Variants in SLC25A33 observed in about 807,000 individuals in gnomAD.
The protein encoded by SLC25A33 is bone marrow stromal cell mitochondrial carrier protein.
In SLC25A33, 15 loss-of-function variants were observed where a neutral mutation model predicts 35.5. The observed-to-expected ratio is 0.42, with a 90% CI of 0.28 to 0.65. The LOEUF (loss-of-function observed/expected upper bound fraction) is 0.65, where lower values mean the gene tolerates loss of function less well. Among genes scored for constraint, SLC25A33 ranks in the 30% least tolerant of loss-of-function variants. The pLI is 0.20. For synonymous variants in SLC25A33, 136 were observed against 148.7 expected (o/e 0.91, Z 0.62); for missense variants, 257 against 398.5 (o/e 0.64, Z 3.02).
intron 1 of SLC25A33, among the ~76,000 whole-genome samples, chr1:9,542,824 A>G (rs1643105674): frequency 6.6e-6 from 1 of 152,166 alleles, no homozygotes; most frequent in Non-Finnish European, 1.5e-5. Context: ...TTTTATTTTT[A>G]TTTTTTGAGA....
chr1:9,579,432 G>A (rs1474911207), intron 5 of SLC25A33, among the ~76,000 whole-genome samples: 3 of 151,924 alleles, frequency 2.0e-5, no homozygotes, highest in Non-Finnish European at 2.9e-5. Flanking sequence ...TTCTATTAAT[G>A]TGCTGGAGTG....
chr1:9,569,258 A>C (rs372807668), intron 3 of SLC25A33, among the ~76,000 whole-genome samples: 8 of 152,204 alleles, frequency 5.3e-5, no homozygotes, highest in Middle Eastern at 3.4e-3. Context: ...AAAAAAAAAA[A>C]ACACAGATCA....
chr1:9,545,237 C>T (rs747792355), intron 1 of SLC25A33, among the ~76,000 whole-genome samples: 3 of 151,764 alleles, frequency 2.0e-5, no homozygotes, highest in African/African-American at 2.4e-5. Flanking sequence ...GTTTTTGAGA[C>T]GGAGTTTTGC....
At chr1:9,564,739 A>AAAAAAATATATAT (rs60174872) in intron 2 of SLC25A33, among the ~76,000 whole-genome samples, 14 of 96,538 alleles carry the variant, frequency 1.5e-4, no homozygotes, top group African/African-American at 6.2e-4. Context: ...AAAAAAAAAA[A>AAAAAAATATATAT]ATATATATAT....
At chr1:9,575,245 C>T (rs571524373) in intron 5 of SLC25A33, among the ~76,000 whole-genome samples, 57 of 151,376 alleles carry the variant, frequency 3.8e-4, no homozygotes, top group African/African-American at 1.4e-3. Context: ...ATAAGAACCC[C>T]TGTATTACTG....
At position 9,580,867 on chromosome 1, in the gene SLC25A33, ATAATAATAAT is replaced by A. The variant is rs1429088741; in HGVS notation, c.763+634_763+643del. 4.4e-3 allele frequency among the ~76,000 whole-genome samples: 558 copies of A among 126,266 alleles called. 4 individuals are homozygous for A. The highest frequency in any genetic ancestry group is 0.02 in the African/African-American group (539 of 27,584). The allele number at this position is 126,266 out of a possible 152,430, so 82.8% of individuals were successfully genotyped here. On this transcript the variant is annotated intron_variant, in intron 6 of 6. Coordinates refer to ENST00000302692, the MANE Select transcript of SLC25A33 (RefSeq NM_032315.3). Reference sequence around the variant, plus strand: ...GAGACTCTGTCTCAAAAAAAAAAAAATAATAATAATAATAATAATAATAATAATCATTCAG... The same window carrying A: ...GAGACTCTGTCTCAAAAAAAAAAAAAAATAATAATAATAATAATCATTCAG...
chr1:9,575,209 G>C lies in SLC25A33; in HGVS notation c.482+1797G>C, dbSNP rs561275496. ...GCCTGGGTGACAGAGCGAGACTCTG[G>C]CTCAAAAAAAAAAAAAAAAAAAAAA... On this transcript the variant is annotated intron_variant, in intron 5 of 6. Coordinates refer to ENST00000302692, the MANE Select transcript of SLC25A33 (RefSeq NM_032315.3). Among the ~76,000 whole-genome samples, 3 of 118,492 alleles carry C rather than the reference G, an allele frequency of 2.5e-5. No homozygotes were observed. In the South Asian group the frequency reaches 8.2e-4, roughly 32 times the overall value. 77.7% of individuals were successfully genotyped at this position (118,492 alleles called of 152,430 possible).
chr1:9,578,310 A>G lies in SLC25A33; in HGVS notation c.483-1644A>G, dbSNP rs1260627140. On this transcript the variant is annotated intron_variant, in intron 5 of 6. Transcript: ENST00000302692. This position sits in a 1 kb window ranked among gnomAD's most constrained non-coding sequence, Gnocchi z 4.3. ...AGCGGGAACAGTCTATGCGGAGATA[A>G]TAAAGAAGGGAGAGAGGCCAGCTGA... Among the ~76,000 whole-genome samples, 4 of 152,142 alleles carry G rather than the reference A, an allele frequency of 2.6e-5. No homozygotes were observed. Among genetic ancestry groups the G allele is most frequent in the Non-Finnish European group, 4.4e-5 (3 of 68,028 alleles).
chr1:9,580,321 T>C (rs968900000), intron 6 of SLC25A33, 87 bp downstream of exon 6: 52 of 1,512,144 alleles, frequency 3.4e-5, no homozygotes, highest in Non-Finnish European at 4.6e-5. Context: ...GAGGCGCACA[T>C]TGAGGCGCAG....
chr1:9,559,566 T>C (rs1271055287), intron 2 of SLC25A33, among the ~76,000 whole-genome samples: 1 of 152,000 alleles, frequency 6.6e-6, no homozygotes, highest in Non-Finnish European at 1.5e-5. Flanking sequence ...GGGAATATCC[T>C]ATTACATAAT....
At position 9,582,376 on chromosome 1, in the gene SLC25A33, G is replaced by A; in HGVS notation, c.841G>A (p.Glu281Lys). ...FVQTARLVFR[E>K]EGYLAFYRGL... is the part of the protein sequence containing the mutation. ...CCAGACGGCGCGCCTGGTGTTCCGG[G>A]AAGAAGGCTACCTTGCCTTTTATAG... Residue 281 changes from glutamate (E) to lysine (K), a missense_variant, in exon 7 of 7, where the codon GAA (glutamate) becomes AAA (lysine). Transcript: ENST00000302692. This position sits in a 1 kb window ranked among gnomAD's most constrained non-coding sequence, Gnocchi z 4.0. The A allele has an allele frequency of 6.2e-7, 1 of 1,613,994 alleles. No individual in the cohort carries two copies. Among genetic ancestry groups the A allele is most frequent in the Non-Finnish European group, 8.5e-7 (1 of 1,179,882 alleles).
intron 2 of SLC25A33, among the ~76,000 whole-genome samples, chr1:9,555,110 C>CT (rs1172100444): frequency 0.031 from 2,859 of 91,158 alleles, 27 homozygotes; most frequent in East Asian, 0.047. Flanking sequence ...GCATTTAGCA[C>CT]TTTTTTTTTT....
intron 1 of SLC25A33, among the ~76,000 whole-genome samples, chr1:9,545,130 A>G (rs1643148261): frequency 6.6e-6 from 1 of 152,178 alleles, no homozygotes; most frequent in African/African-American, 2.4e-5. Flanking sequence ...TGTAATAAAT[A>G]CAAAACTTCA....
intron 3 of SLC25A33, 24 bp from the exon 4 acceptor site, chr1:9,570,234 A>G (rs933856215): frequency 6.2e-7 from 1 of 1,600,144 alleles, no homozygotes; most frequent in Non-Finnish European, 8.5e-7. Context: ...TGATTTCTTT[A>G]TAATGTTCTC....
chr1:9,570,624 T>A (rs1399907645), intron 4 of SLC25A33, among the ~76,000 whole-genome samples: 1 of 151,948 alleles, frequency 6.6e-6, no homozygotes, highest in Non-Finnish European at 1.5e-5. Context: ...TCTAAAGGAA[T>A]ATTCATAGGT....
chr1:9,564,322 C>T (rs187525537), intron 2 of SLC25A33, among the ~76,000 whole-genome samples: 4 of 152,158 alleles, frequency 2.6e-5, no homozygotes, highest in East Asian at 3.9e-4. Flanking sequence ...ACATTGCAGG[C>T]GGGAATGTAA....
chr1:9,548,631 A>C (rs1274356582), intron 1 of SLC25A33, among the ~76,000 whole-genome samples: 1 of 152,198 alleles, frequency 6.6e-6, no homozygotes, highest in East Asian at 1.9e-4. Context: ...TGGAGGTTAT[A>C]AATAGAATGT....
chr1:9,570,666 TATAGATAGATAGATATAG>T lies in SLC25A33; in HGVS notation c.415+327_415+344del, dbSNP rs60947893. Among the ~76,000 whole-genome samples, 1,101 of 150,242 alleles carry T rather than the reference TATAGATAGATAGATATAG, an allele frequency of 7.3e-3. 17 individuals carry two copies. Among genetic ancestry groups the T allele is most frequent in the African/African-American group, 0.026 (1,056 of 40,264 alleles). On this transcript the variant is annotated intron_variant, in intron 4 of 6. Transcript: ENST00000302692. Reference sequence around the variant, plus strand: ...TGTCTTCTGTTTGCCCATCAAATGATATAGATAGATAGATATAGATAGATAGATAGATATAGTTTTTTT... The same window carrying T: ...TGTCTTCTGTTTGCCCATCAAATGATATAGATAGATAGATATAGTTTTTTT...
intron 2 of SLC25A33, among the ~76,000 whole-genome samples, chr1:9,558,758 C>T (rs1287121392): frequency 2.0e-5 from 3 of 152,196 alleles, no homozygotes; most frequent in Admixed American, 6.5e-5. Flanking sequence ...TGGAAGCCAC[C>T]GTATCTCACC....
Sources: allele counts gnomAD v4.1 joint callset (sites outside exome capture counted in the v4.1 genomes callset), GRCh38; gene constraint gnomAD v4.1.1; non-coding constraint Gnocchi (gnomAD v3.1); transcripts MANE v1.5; gene names NCBI Gene and HGNC (gene_info 2026-07-23, HGNC 2026-07-21).